TRA2B: variants seen among roughly 807,000 people sequenced by gnomAD.
TRA2B encodes transformer 2 beta homolog.
A neutral mutation model predicts 41.7 loss-of-function variants in TRA2B; 14 were observed. The ratio of observed to expected loss-of-function variants is 0.34; its 90% confidence interval spans 0.22 to 0.53. The LOEUF is 0.53. TRA2B is among the 20% of genes least tolerant of loss of function. The pLI, the probability that TRA2B is intolerant of heterozygous loss-of-function variation, is 0.95. For missense variants in TRA2B, 167 were observed against 396.8 expected, an observed-to-expected ratio of 0.42 and a Z score of 4.92; for synonymous variants, 130 against 128.8, an observed-to-expected ratio of 1.01 and a Z score of -0.06.
intron 5 of TRA2B, among the ~76,000 whole-genome samples, chr3:185,921,786 AAAC>A (rs749638910): frequency 1.3e-5 from 2 of 152,234 alleles, no homozygotes; most frequent in Middle Eastern, 3.4e-3. Context: ...AAACAAAACC[AAAC>A]AACAACAAAC....
rs771860123 is a variant in TRA2B at position 185,918,361 on chromosome 3, T to G, written c.856+4A>C. 1.6e-5 allele frequency: 25 copies of G among 1,610,176 alleles called. No homozygotes were observed. The highest frequency in any genetic ancestry group is 2.0e-5 in the Non-Finnish European group (24 of 1,176,922). On this transcript the variant is annotated splice_donor_region_variant and intron_variant, in intron 8 of 8. Coordinates refer to ENST00000453386, the MANE Select transcript of TRA2B (RefSeq NM_004593.3). The stretch of plus-strand genomic sequence containing the variant: ...TAAACAATCATATTAAGATAAAAAC[T>G]TACGAGGTGAGTATGATCGAGATCT...
chr3:185,926,577 A>C, intron 2 of TRA2B, 24 bp downstream of exon 2: 1 of 1,612,940 alleles, frequency 6.2e-7, no homozygotes, highest in Non-Finnish European at 8.5e-7. Context: ...AGTAACGAGG[A>C]AATCTCAAGA....
At chr3:185,917,827 T>C (rs1743558457) in intron 8 of TRA2B, 102 bp from the exon 9 acceptor site, 1 of 1,286,756 alleles carries the variant, frequency 7.8e-7, no homozygotes, top group Non-Finnish European at 1.1e-6. Flanking sequence ...AAGAAATTCC[T>C]ATGTGCCAGA....
In TRA2B at chr3:185,937,918, A is replaced by C. The variant is rs1578492407; in HGVS notation, c.-58T>G. Reference sequence around the variant, plus strand: ...TCAATCGAAGCTGCCAACCTCTTGCACCTTCCTTAAGGAGGCTCCGCCGCA... The same window carrying C: ...TCAATCGAAGCTGCCAACCTCTTGCCCCTTCCTTAAGGAGGCTCCGCCGCA... On this transcript the variant is annotated 5_prime_UTR_variant, in exon 1 of 9. Transcript: ENST00000453386. The C allele has an allele frequency of 1.2e-6, 2 of 1,607,650 alleles. No homozygotes were observed. Among genetic ancestry groups the C allele is most frequent in the Non-Finnish European group, 1.7e-6 (2 of 1,176,972 alleles).
chr3:185,919,623 T>C, intron 6 of TRA2B, 127 bp from the exon 7 acceptor site: 1 of 694,358 alleles, frequency 1.4e-6, no homozygotes, highest in Non-Finnish European at 2.3e-6. Flanking sequence ...GTCAAGTGAT[T>C]TGCCACCCTT....
chr3:185,918,343 T>C (rs778489418), intron 8 of TRA2B, 22 bp downstream of exon 8: 3 of 1,573,954 alleles, frequency 1.9e-6, no homozygotes, highest in Admixed American at 1.7e-5. Flanking sequence ...ATATAAACAA[T>C]CATATTAAGA....
At chr3:185,932,026 C>G (rs890767855) in intron 1 of TRA2B, among the ~76,000 whole-genome samples, 2 of 151,204 alleles carry the variant, frequency 1.3e-5, no homozygotes, top group African/African-American at 4.9e-5. Flanking sequence ...TCTGCTGGTT[C>G]TAGAATATAT....
intron 2 of TRA2B, among the ~76,000 whole-genome samples, chr3:185,926,359 T>C (rs1743952692): frequency 6.6e-6 from 1 of 152,182 alleles, no homozygotes; most frequent in African/African-American, 2.4e-5. Flanking sequence ...ATTTGCCTTT[T>C]ATAAAGAAGC....
At chr3:185,928,774 A>G (rs1744046571) in intron 1 of TRA2B, 1 of 152,210 alleles carries the variant, frequency 6.6e-6, no homozygotes, top group Non-Finnish European at 1.5e-5. Context: ...ACTACCAATA[A>G]AGTAACTGTA....
At chr3:185,920,261 C>A (rs1578472821) in intron 6 of TRA2B, among the ~76,000 whole-genome samples, 1 of 152,222 alleles carries the variant, frequency 6.6e-6, no homozygotes, top group African/African-American at 2.4e-5. Context: ...TTACAAGAAA[C>A]TGCCTGAAAA....
At chr3:185,924,060 C>G (rs1337425184) in intron 3 of TRA2B, 76 bp from the exon 4 acceptor site, 25 of 1,331,912 alleles carry the variant, frequency 1.9e-5, no homozygotes, top group Non-Finnish European at 2.5e-5. Flanking sequence ...GAGCTGTATA[C>G]TAGCCAAAAT....
At chr3:185,930,143 G>C (rs569194580) in intron 1 of TRA2B, among the ~76,000 whole-genome samples, 174 of 152,310 alleles carry the variant, frequency 1.1e-3, no homozygotes, top group African/African-American at 4.0e-3. Flanking sequence ...GTCATAACCA[G>C]ATTCCAAATT....
At chr3:185,936,349 C>G (rs1038034991) in intron 1 of TRA2B, 28 of 985,158 alleles carry the variant, frequency 2.8e-5, no homozygotes, top group Non-Finnish European at 3.3e-5. Flanking sequence ...CCCAAGAAAG[C>G]AAGAACTTAA....
chr3:185,917,097 A>G lies in TRA2B; in HGVS notation c.*618T>C, dbSNP rs1743529163. On this transcript the variant is annotated 3_prime_UTR_variant, in exon 9 of 9. Transcript: ENST00000453386. ...TCCTGCTATACATATTACAGATTAC[A>G]TAAAAGCCGACAAATCCACATTGAT... The G allele has an allele frequency of 6.6e-6, 1 of 152,330 alleles. No individual in the cohort carries two copies. Among genetic ancestry groups the G allele is most frequent in the African/African-American group, 2.4e-5 (1 of 41,464 alleles). 9.4% of individuals were successfully genotyped at this position (152,330 alleles called of 1,614,324 possible). A position where few individuals can be genotyped will look rare whatever the true frequency, so the allele number is the denominator to read the frequency against.
At chr3:185,934,312 G>C (rs918015073) in intron 1 of TRA2B, 1 of 984,536 alleles carries the variant, frequency 1.0e-6, no homozygotes, top group African/African-American at 1.7e-5. Flanking sequence ...TACCACCTAC[G>C]TTCGGATTTT....
chr3:185,936,861 C>T, intron 1 of TRA2B: 4 of 985,202 alleles, frequency 4.1e-6, no homozygotes, highest in Middle Eastern at 5.2e-4. Context: ...GCTGTTTAAA[C>T]CCTAGAACTG....
Position 185,915,626 on chromosome 3 carries a change from A to G in TRA2B, c.*2089T>C, listed in dbSNP as rs1230088717. On this transcript the variant is annotated 3_prime_UTR_variant, in exon 9 of 9. Transcript: ENST00000453386. Reference sequence around the variant, plus strand: ...TTGCCTGTTAACACTCTTTGTAGCCATGTCAAATGGCTAAAATTCTTTCAA... The same window carrying G: ...TTGCCTGTTAACACTCTTTGTAGCCGTGTCAAATGGCTAAAATTCTTTCAA... 6.6e-6 allele frequency among the ~76,000 whole-genome samples: 1 copy of G among 152,222 alleles called. No individual in the cohort carries two copies. Among genetic ancestry groups the G allele is most frequent in the Non-Finnish European group, 1.5e-5 (1 of 68,034 alleles).
At chr3:185,920,218 C>G (rs532048517) in intron 6 of TRA2B, among the ~76,000 whole-genome samples, 13 of 152,240 alleles carry the variant, frequency 8.5e-5, no homozygotes, top group African/African-American at 2.2e-4. Context: ...TCCATTTTAC[C>G]TGCCCTCAGT....
At chr3:185,937,259 T>C in intron 1 of TRA2B, 1 of 986,256 alleles carries the variant, frequency 1.0e-6, no homozygotes, top group Non-Finnish European at 1.2e-6. Flanking sequence ...CCCAAAGACA[T>C]CCCAGACTCC....
Sources: gnomAD v4.1 joint callset for allele counts (sites outside exome capture counted in the v4.1 genomes callset) on GRCh38, gnomAD v4.1.1 for gene constraint, MANE v1.5 for transcripts, NCBI Gene and HGNC (gene_info 2026-07-23, HGNC 2026-07-21) for gene names.